POLR3E: variants seen among roughly 807,000 people sequenced by gnomAD.
The protein encoded by POLR3E is DNA-directed RNA polymerase III subunit RPC5.
Under a neutral mutation model 96.6 loss-of-function variants are expected in POLR3E, and 41 were observed. The ratio of observed to expected loss-of-function variants is 0.42; its 90% CI spans 0.33 to 0.55. The LOEUF (loss-of-function observed/expected upper bound fraction) is 0.55. POLR3E is among the 20% of genes least tolerant of loss of function. The pLI is 0.06. For synonymous variants in POLR3E, 396 were observed against 383.6 expected, an observed-to-expected ratio of 1.03 and a Z score of -0.38; for missense variants, 849 against 952.1, an observed-to-expected ratio of 0.89 and a Z score of 1.43.
rs2048541325 is a variant in POLR3E, at chr16:22,324,675, C to T, written c.1286+15C>T. 1.2e-6 allele frequency: 2 copies of T among 1,613,332 alleles called. No individual in the cohort carries two copies. The highest frequency in any genetic ancestry group is 1.7e-6 in the Non-Finnish European group (2 of 1,179,536). ...ATCCAGGCCAAGTAAGCACCCTGGG[C>T]CAGGGAGGGGCAGCCCGGTGATCCC... On this transcript the variant is annotated intron_variant, in intron 16 of 20. Transcript: ENST00000299853.
chr16:22,323,807 TC>T (rs2048519516), intron 14 of POLR3E, among the ~76,000 whole-genome samples: 1 of 152,062 alleles, frequency 6.6e-6, no homozygotes, highest in Non-Finnish European at 1.5e-5. Flanking sequence ...GGGGGTGTGG[TC>T]CAGTCTATGT....
intron 8 of POLR3E, 106 bp from the exon 9 acceptor site, chr16:22,314,983 G>A: frequency 8.5e-7 from 1 of 1,179,472 alleles, no homozygotes; most frequent in Non-Finnish European, 1.2e-6. Context: ...AAGGGAGAGT[G>A]GAAAACCCCT....
In POLR3E at chr16:22,322,328, G is replaced by A. The variant is rs533676284; in HGVS notation, c.987-522G>A. Among the ~76,000 whole-genome samples, 7 of 152,296 alleles carry A rather than the reference G, an allele frequency of 4.6e-5. No individual in the cohort carries two copies. Among genetic ancestry groups the A allele is most frequent in the South Asian group, 2.1e-4 (1 of 4,830 alleles). The stretch of plus-strand genomic sequence containing the variant: ...CTCGTGCCCTGCTGTCCAAGGCCCC[G>A]GCCTTTCCTCTGAAGTTCCCTGAAC... On this transcript the variant is annotated intron_variant, in intron 13 of 20. Transcript: ENST00000299853. This position sits in a 1 kb window ranked among gnomAD's most constrained non-coding sequence, Gnocchi z 5.2.
At position 22,326,279 on chromosome 16, in the gene POLR3E, G is replaced by GT; in HGVS notation, c.1866+2dup. ...CGGTTGCAAGCAGATACTGGTGCCTGTAAGTAGAGCCCTGCCTGCCAGGGG... is the reference window on the plus strand; with the variant it reads ...CGGTTGCAAGCAGATACTGGTGCCTGTTAAGTAGAGCCCTGCCTGCCAGGGG... On this transcript the variant is annotated splice_donor_variant, in intron 18 of 20. Coordinates refer to ENST00000299853, the MANE Select transcript of POLR3E (RefSeq NM_018119.4). LOFTEE classifies it high-confidence loss of function. 1.7e-6 allele frequency: 2 copies of GT among 1,146,558 alleles called. No individual in the cohort carries two copies. The highest frequency in any genetic ancestry group is 2.4e-6 in the Non-Finnish European group (2 of 835,492). 71.0% of individuals were successfully genotyped at this position (1,146,558 alleles called of 1,614,324 possible).
intron 3 of POLR3E, among the ~76,000 whole-genome samples, chr16:22,307,100 CTG>C (rs749363496): frequency 6.6e-6 from 1 of 152,208 alleles, no homozygotes; most frequent in Non-Finnish European, 1.5e-5. Context: ...ACCATCGGCT[CTG>C]TTTGCCTCCT....
In POLR3E at chr16:22,325,835, C is replaced by T; in HGVS notation, c.1423C>T (p.Leu475=). ...CAAGGCCCAGCAGAACCACGCGTTG[C>T]TGGAGCGGGAGCTGCAGCGGCGGAA... is the stretch of plus-strand genomic sequence containing the variant. ...KTKAQQNHAL[L]ERELQRRKEQ... The change falls in exon 18 of 21, where the codon CTG becomes TTG. Residue 475 remains leucine, a synonymous_variant. Coordinates refer to ENST00000299853, the MANE Select transcript of POLR3E (RefSeq NM_018119.4). 6.2e-7 allele frequency: 1 copy of T among 1,611,776 alleles called. No individual in the cohort carries two copies. Among genetic ancestry groups the T allele is most frequent in the Non-Finnish European group, 8.5e-7 (1 of 1,179,268 alleles).
intron 19 of POLR3E, among the ~76,000 whole-genome samples, chr16:22,329,454 T>G (rs2048690338): frequency 6.6e-6 from 1 of 152,114 alleles, no homozygotes; most frequent in African/African-American, 2.4e-5. Flanking sequence ...GTACCTAATT[T>G]GATGGTCGAA....
chr16:22,312,584 C>T (rs771749124), intron 6 of POLR3E, among the ~76,000 whole-genome samples: 2 of 151,122 alleles, frequency 1.3e-5, no homozygotes. Context: ...GTACAAGGCG[C>T]GGCCGGGCGC....
intron 19 of POLR3E, 45 bp from the exon 20 acceptor site, chr16:22,332,015 T>C (rs373322977): frequency 1.3e-6 from 2 of 1,597,730 alleles, no homozygotes; most frequent in Non-Finnish European, 1.7e-6. Flanking sequence ...ATGTTTCTCT[T>C]TTTAGATCAC....
At chr16:22,306,099 CTTA>C (rs1417737276) in intron 3 of POLR3E, among the ~76,000 whole-genome samples, 1 of 152,146 alleles carries the variant, frequency 6.6e-6, no homozygotes, top group African/African-American at 2.4e-5. Context: ...AACCATTCCC[CTTA>C]TTTTCTGTTT....
intron 1 of POLR3E, among the ~76,000 whole-genome samples, chr16:22,302,144 C>T (rs946540601): frequency 6.6e-6 from 1 of 152,026 alleles, no homozygotes; most frequent in Non-Finnish European, 1.5e-5. Context: ...CATGACTTGC[C>T]CAAAGCTCTC....
Position 22,328,378 on chromosome 16 carries a change from G to A in POLR3E, c.1867-132G>A, listed in dbSNP as rs2048656080. 5.4e-6 allele frequency: 4 copies of A among 738,170 alleles called. No individual in the cohort carries two copies. In the Admixed American group the frequency reaches 8.3e-5, roughly 15 times the overall value. 45.7% of individuals were successfully genotyped at this position (738,170 alleles called of 1,614,324 possible). A position where few individuals can be genotyped will look rare whatever the true frequency, so the allele number is the denominator to read the frequency against. On this transcript the variant is annotated intron_variant, in intron 18 of 20. Coordinates refer to ENST00000299853, the MANE Select transcript of POLR3E (RefSeq NM_018119.4). ...GTGGCTGCCCAAGGCCCTCAGAGAT[G>A]GTGAGTAGCAGAAGCTGGGATTGGA...
intron 19 of POLR3E, among the ~76,000 whole-genome samples, chr16:22,330,111 C>CAT (rs1477351029): frequency 6.7e-6 from 1 of 149,742 alleles, no homozygotes; most frequent in East Asian, 2.0e-4. Flanking sequence ...CTTGCTCTGT[C>CAT]ATCTAGGCCT....
intron 1 of POLR3E, among the ~76,000 whole-genome samples, chr16:22,300,677 A>G (rs2048002475): frequency 6.6e-6 from 1 of 152,204 alleles, no homozygotes; most frequent in Admixed American, 6.5e-5. Flanking sequence ...GACAGTCGAG[A>G]TGCACTGAAA....
chr16:22,318,189 G>A lies in POLR3E; in HGVS notation c.866-637G>A, dbSNP rs2048398813. Among the ~76,000 whole-genome samples the A allele has an allele frequency of 1.3e-5, 2 of 152,112 alleles. No homozygotes were observed. Among genetic ancestry groups the A allele is most frequent in the South Asian group, 4.1e-4 (2 of 4,822 alleles). ...GCTCACTGCAACCTCCGCCTCCCGG[G>A]TTCAAGCAATTCTCATGCCTCAGCC... On this transcript the variant is annotated intron_variant, in intron 12 of 20. Transcript: ENST00000299853. This position sits in a 1 kb window ranked among gnomAD's most constrained non-coding sequence, Gnocchi z 5.0.
intron 1 of POLR3E, among the ~76,000 whole-genome samples, chr16:22,299,756 A>T (rs180674758): frequency 3.2e-4 from 49 of 152,134 alleles, no homozygotes; most frequent in Admixed American, 7.9e-4. Flanking sequence ...ACTGTGACCC[A>T]GGATGGAGCG....
At chr16:22,315,347 G>A (rs1309141345) in intron 9 of POLR3E, 139 bp downstream of exon 9, 1 of 907,314 alleles carries the variant, frequency 1.1e-6, no homozygotes, top group Non-Finnish European at 1.6e-6. Context: ...CCTGTGGGCA[G>A]TTTACACTTC....
intron 19 of POLR3E, chr16:22,328,959 C>G (rs1281372360): frequency 8.7e-6 from 2 of 231,020 alleles, no homozygotes; most frequent in African/African-American, 2.3e-5. Flanking sequence ...AACCCCATCT[C>G]TACTAAAAAT....
chr16:22,309,690 C>T, intron 6 of POLR3E, 180 bp downstream of exon 6: 2 of 628,594 alleles, frequency 3.2e-6, no homozygotes, highest in Middle Eastern at 4.3e-4. Flanking sequence ...AAGTGGCCAC[C>T]TTTGTGGACT....
Sources: gnomAD v4.1 joint callset for allele counts (sites outside exome capture counted in the v4.1 genomes callset) on GRCh38, gnomAD v4.1.1 for gene constraint, Gnocchi (gnomAD v3.1) non-coding constraint, MANE v1.5 for transcripts, NCBI Gene and HGNC (gene_info 2026-07-23, HGNC 2026-07-21) for gene names.